CRISPLD2: variants seen among roughly 807,000 people sequenced by gnomAD.
CRISPLD2 encodes the protein cysteine-rich secretory protein LCCL domain-containing 2.
CRISPLD2 carries 47 observed loss-of-function variants against 71.1 expected under a neutral mutation model. The ratio of observed to expected loss-of-function variants is 0.66; its 90% CI spans 0.52 to 0.84. CRISPLD2 has a LOEUF of 0.84. Ranked by LOEUF, CRISPLD2 falls within the 40% of genes least tolerant of loss-of-function variation. The pLI is 0.00. For missense variants in CRISPLD2, 830 were observed against 651.1 expected, an observed-to-expected ratio of 1.27 and a Z score of -2.99; for synonymous variants, 317 against 250.1, an observed-to-expected ratio of 1.27 and a Z score of -2.52.
intron 6 of CRISPLD2, among the ~76,000 whole-genome samples, chr16:84,864,249 A>G (rs1051403831): frequency 1.3e-5 from 2 of 152,118 alleles, no homozygotes; most frequent in Non-Finnish European, 2.9e-5. Flanking sequence ...ATTAGGAGGT[A>G]CTCGGATCCA....
chr16:84,848,129 C>T (rs1916965859), intron 3 of CRISPLD2, among the ~76,000 whole-genome samples: 1 of 152,176 alleles, frequency 6.6e-6, no homozygotes, highest in Non-Finnish European at 1.5e-5. Flanking sequence ...CCGGGGCAGC[C>T]GCGGGTTCCT....
intron 1 of CRISPLD2, among the ~76,000 whole-genome samples, chr16:84,821,855 T>G (rs921278827): frequency 2.6e-5 from 4 of 152,212 alleles, no homozygotes; most frequent in Non-Finnish European, 2.9e-5. Context: ...ACGGATGAGC[T>G]CACTGCCTGC....
chr16:84,858,071 C>T (rs1307180911), intron 6 of CRISPLD2, among the ~76,000 whole-genome samples: 6 of 152,212 alleles, frequency 3.9e-5, no homozygotes, highest in Non-Finnish European at 8.8e-5. Flanking sequence ...AAGTAGTTAT[C>T]TGCAGAAGAT....
chr16:84,854,840 T>C lies in CRISPLD2; in HGVS notation c.709+11T>C. ...ACTTGTGTTACCGAGGTAGGAAATT[T>C]ACTCCCAACACTTTTGCAATGAATT... On this transcript the variant is annotated intron_variant, in intron 6 of 14. Coordinates refer to ENST00000262424, the MANE Select transcript of CRISPLD2 (RefSeq NM_031476.4). The C allele has an allele frequency of 6.3e-7, 1 of 1,597,978 alleles. No individual in the cohort carries two copies. Among genetic ancestry groups the C allele is most frequent in the Non-Finnish European group, 8.6e-7 (1 of 1,165,358 alleles).
Position 84,849,469 on chromosome 16 carries a change from C to A in CRISPLD2, c.444C>A (p.Pro148=). The A allele has an allele frequency of 6.2e-7, 1 of 1,614,138 alleles. No homozygotes were observed. Among genetic ancestry groups the A allele is most frequent in the South Asian group, 1.1e-5 (1 of 91,080 alleles). The change falls in exon 4 of 15, where the codon CCC becomes CCA. Residue 148 remains proline (P), a synonymous_variant. Transcript: ENST00000262424. ...ACCCCTACCCGAGCGAGTGCAACCC[C>A]TGGTGTCCAGAGAGGTGCTCGGGGC... The part of the protein sequence containing the change: ...YTYPYPSECN[P]WCPERCSGPM...
intron 14 of CRISPLD2, among the ~76,000 whole-genome samples, chr16:84,891,149 T>C (rs75355494): frequency 0.011 from 1,601 of 152,288 alleles, 10 homozygotes; most frequent in South Asian, 0.038. Flanking sequence ...CATATGGATT[T>C]TGAGGGACCA....
At chr16:84,890,302 T>G (rs1429277194) in intron 14 of CRISPLD2, among the ~76,000 whole-genome samples, 1 of 151,160 alleles carries the variant, frequency 6.6e-6, no homozygotes, top group Non-Finnish European at 1.5e-5. Context: ...GAGCTTGCAG[T>G]GAGCTGAGAT....
chr16:84,852,764 T>A (rs1376711272), intron 5 of CRISPLD2, among the ~76,000 whole-genome samples: 1 of 152,078 alleles, frequency 6.6e-6, no homozygotes, highest in Admixed American at 6.6e-5. Flanking sequence ...TACTTCACGG[T>A]GCTATTCAAA....
At chr16:84,904,508 T>C (rs1241205568) in intron 14 of CRISPLD2, among the ~76,000 whole-genome samples, 1 of 151,136 alleles carries the variant, frequency 6.6e-6, no homozygotes, top group Non-Finnish European at 1.5e-5. Flanking sequence ...CACTTGAACC[T>C]GGGAAGCAGA....
chr16:84,883,978 G>T (rs998159001), intron 13 of CRISPLD2, among the ~76,000 whole-genome samples: 1 of 151,834 alleles, frequency 6.6e-6, no homozygotes, highest in Non-Finnish European at 1.5e-5. Context: ...CGAGTAGCTG[G>T]GATTACAGGT....
chr16:84,868,690 GAGCCCCCAGCGGA>G (rs2143276481), intron 7 of CRISPLD2, among the ~76,000 whole-genome samples, 148 bp from the exon 8 acceptor site: 1 of 152,374 alleles, frequency 6.6e-6, no homozygotes, highest in East Asian at 1.9e-4. Flanking sequence ...CCTGGGGTCT[GAGCCCCCAGCGGA>G]AGCCTGCAAC....
rs1278932660 is a variant in CRISPLD2, at chr16:84,907,074, C to T, written c.*432C>T. The T allele has an allele frequency of 1.5e-5, 3 of 198,964 alleles. No individual in the cohort carries two copies. The highest frequency in any genetic ancestry group is 2.4e-5 in the African/African-American group (1 of 41,994). 12.3% of individuals were successfully genotyped at this position (198,964 alleles called of 1,614,324 possible). On this transcript the variant is annotated 3_prime_UTR_variant, in exon 15 of 15. Coordinates refer to ENST00000262424, the MANE Select transcript of CRISPLD2 (RefSeq NM_031476.4). ...CGTCGGAAGAGGCCTTTTGAGCAAG[C>T]GCCAATGAGTTTCAGGAATGAAGTA...
chr16:84,862,672 CT>C (rs764630306), intron 6 of CRISPLD2, among the ~76,000 whole-genome samples: 2,131 of 99,126 alleles, frequency 0.021, 12 homozygotes, highest in African/African-American at 0.027. Flanking sequence ...GTGGCCCAGG[CT>C]TTTTTTTTTT....
chr16:84,866,088 G>T (rs183896495), intron 6 of CRISPLD2, among the ~76,000 whole-genome samples: 1 of 152,182 alleles, frequency 6.6e-6, no homozygotes, highest in Non-Finnish European at 1.5e-5. Flanking sequence ...GTGAGGTGCA[G>T]TTGGGGTCTA....
Position 84,845,917 on chromosome 16 carries a change from A to T in CRISPLD2, c.359+13A>T, listed in dbSNP as rs377482783. 5.1e-6 allele frequency: 8 copies of T among 1,566,554 alleles called. No homozygotes were observed. In the African/African-American group the frequency reaches 1.1e-4, roughly 21 times the overall value. ...CTCACTGGGGCAGGTAAGAGCCACA[A>T]GTTCCTCTCCGGCTGCCGCAGGACC... On this transcript the variant is annotated intron_variant, in intron 3 of 14. Coordinates refer to ENST00000262424, the MANE Select transcript of CRISPLD2 (RefSeq NM_031476.4).
In CRISPLD2 at chr16:84,838,430, C is replaced by T. The variant is rs1916679588; in HGVS notation, c.-66C>T. On this transcript the variant is annotated 5_prime_UTR_variant, in exon 2 of 15. Coordinates refer to ENST00000262424, the MANE Select transcript of CRISPLD2 (RefSeq NM_031476.4). ...CCTCTGCTTCCTTTCAGAGCTCAAG[C>T]GCCCAGCTCTGCCCGAGGAGCCCAG... is the stretch of plus-strand genomic sequence containing the variant. 7 of 1,561,860 alleles carry T rather than the reference C, an allele frequency of 4.5e-6. No homozygotes were observed. The highest frequency in any genetic ancestry group is 2.4e-5 in the South Asian group (2 of 82,856).
chr16:84,855,550 C>T (rs1168038888), intron 6 of CRISPLD2, among the ~76,000 whole-genome samples: 8 of 96,512 alleles, frequency 8.3e-5, no homozygotes, highest in African/African-American at 2.4e-4. Context: ...TAGTTGGTGC[C>T]CACCCAGATT....
At chr16:84,873,817 G>A (rs924804645) in intron 10 of CRISPLD2, 103 bp from the exon 11 acceptor site, 6 of 1,078,338 alleles carry the variant, frequency 5.6e-6, no homozygotes, top group East Asian at 4.9e-5. Context: ...GTGTGAAGTC[G>A]AGACTGCAAA....
At chr16:84,862,278 C>T (rs1390982380) in intron 6 of CRISPLD2, among the ~76,000 whole-genome samples, 1 of 152,076 alleles carries the variant, frequency 6.6e-6, no homozygotes, top group Non-Finnish European at 1.5e-5. Context: ...TCTTGGCTCA[C>T]TGCAGCCTCA....
Sources: gnomAD v4.1 joint callset for allele counts (sites outside exome capture counted in the v4.1 genomes callset) on GRCh38, gnomAD v4.1.1 for gene constraint, MANE v1.5 for transcripts, NCBI Gene and HGNC (gene_info 2026-07-23, HGNC 2026-07-21) for gene names.